Variants in FANCA observed in about 807,000 individuals in gnomAD.
FANCA encodes Fanconi anemia group A protein.
In FANCA, 236 loss-of-function variants were observed where a neutral mutation model predicts 194.3. The ratio of observed to expected loss-of-function variants is 1.21; its 90% CI spans 1.09 to 1.35. The LOEUF is 1.35. Among genes scored for constraint, FANCA ranks in the 40% most tolerant of loss-of-function variants. The pLI is 0.00. For missense variants in FANCA, 2,628 were observed against 1,813.9 expected, an observed-to-expected ratio of 1.45 and a Z score of -8.15; for synonymous variants, 1,014 against 715.8, an observed-to-expected ratio of 1.42 and a Z score of -6.65.
intron 27 of FANCA, 38 bp from the exon 28 acceptor site, chr16:89,765,104 C>G: frequency 1.2e-6 from 2 of 1,611,490 alleles, no homozygotes; most frequent in South Asian, 1.1e-5. Context: ...CTTCATTGCG[C>G]AAGTTTCACT....
intron 37 of FANCA, 59 bp downstream of exon 37, chr16:89,742,741 G>A (rs2062167574): frequency 1.3e-6 from 2 of 1,570,092 alleles, no homozygotes; most frequent in East Asian, 2.3e-5. Flanking sequence ...CAGAGAAATA[G>A]CACTGATTGA....
At chr16:89,788,899 T>C (rs2039979775) in intron 14 of FANCA, among the ~76,000 whole-genome samples, 1 of 152,172 alleles carries the variant, frequency 6.6e-6, no homozygotes, top group Admixed American at 6.6e-5. Flanking sequence ...AAAGTTGATT[T>C]GAAAAGGTAA....
intron 21 of FANCA, among the ~76,000 whole-genome samples, chr16:89,773,882 G>A (rs1168818796): frequency 6.7e-6 from 1 of 150,234 alleles, no homozygotes; most frequent in Middle Eastern, 3.2e-3. Context: ...AAATCATCCT[G>A]CCTCAGCCTC....
At position 89,771,720 on chromosome 16, in the gene FANCA, C is replaced by A; in HGVS notation, c.2109G>T (p.Gln703His). Residue 703 changes from glutamine to histidine, a missense_variant, in exon 23 of 43, where the codon CAG becomes CAT. Gln to His is a conservative substitution (Grantham distance 24). Transcript: ENST00000389301. ...CCAGTCTCGGCGTGTTGATGCTGAG[C>A]TGAATCTTTGATATCTCAACGCTGC... ...DDSSVEISKI[Q>H]LSINTPRLEP... is the part of the protein sequence containing the mutation. 1 of 1,614,146 alleles carries A rather than the reference C, an allele frequency of 6.2e-7. No individual in the cohort carries two copies. The highest frequency in any genetic ancestry group is 8.5e-7 in the Non-Finnish European group (1 of 1,180,028).
rs1248048701 is a variant in FANCA at position 89,740,832 on chromosome 16, C to G, written c.3800G>C (p.Gly1267Ala). 1 of 1,613,472 alleles carries G rather than the reference C, an allele frequency of 6.2e-7. No homozygotes were observed. The highest frequency in any genetic ancestry group is 1.7e-5 in the Admixed American group (1 of 59,920). ...TGAGGTCAGATGTGACGACAGCAGG[C>G]CCATCAAGGAGAAGAAGAAAAGGAA... is the stretch of plus-strand genomic sequence containing the variant. ...LVFLFFFSLM[G>A]LLSSHLTSNS... The change falls in exon 38 of 43, where the codon GGC (glycine) becomes GCC (alanine). Residue 1267 changes from glycine to alanine, a missense_variant. Physicochemically the swap from Gly to Ala is moderately conservative, Grantham distance 60. Coordinates refer to ENST00000389301, the MANE Select transcript of FANCA (RefSeq NM_000135.4).
At chr16:89,773,604 T>C (rs897407783) in intron 21 of FANCA, among the ~76,000 whole-genome samples, 1 of 151,812 alleles carries the variant, frequency 6.6e-6, no homozygotes, top group Admixed American at 6.6e-5. Flanking sequence ...TCATAAAAAA[T>C]TACATTTATA....
At chr16:89,809,644 G>C (rs1318447811) in intron 5 of FANCA, among the ~76,000 whole-genome samples, 1 of 151,716 alleles carries the variant, frequency 6.6e-6, no homozygotes, top group Non-Finnish European at 1.5e-5. Context: ...GAGGTCAGGA[G>C]TTTGAGACCA....
At chr16:89,804,210 C>A (rs1408781000) in intron 7 of FANCA, among the ~76,000 whole-genome samples, 1 of 152,108 alleles carries the variant, frequency 6.6e-6, no homozygotes, top group Non-Finnish European at 1.5e-5. Context: ...AAGGAAAAAA[C>A]CCACAAGCTA....
intron 3 of FANCA, among the ~76,000 whole-genome samples, chr16:89,813,103 C>G (rs2040964374): frequency 6.6e-6 from 1 of 151,240 alleles, no homozygotes; most frequent in Non-Finnish European, 1.5e-5. Context: ...TCATCAGCTG[C>G]TGGTGAAATT....
rs1376923890 is a variant in FANCA at position 89,738,956 on chromosome 16, T to C, written c.4186A>G (p.Ile1396Val). Residue 1396 changes from isoleucine (I) to valine (V), a missense_variant, in exon 42 of 43, where the codon ATA becomes GTA. Ile to Val is a conservative substitution (Grantham distance 29, BLOSUM62 3). Coordinates refer to ENST00000389301, the MANE Select transcript of FANCA (RefSeq NM_000135.4). Reference protein sequence around the residue: ...LKGQGNPVELITKARLFLLQL... With the variant: ...LKGQGNPVELVTKARLFLLQL... ...AGCAGAAAAAGACGAGCTTTTGTTA[T>C]CAGTTCCACGGGGTTGCCCTAGAGA... 4 of 1,614,250 alleles carry C rather than the reference T, an allele frequency of 2.5e-6. No homozygotes were observed. The highest frequency in any genetic ancestry group is 1.1e-5 in the South Asian group (1 of 91,088).
Position 89,799,589 on chromosome 16 carries a change from A to G in FANCA, c.826+16T>C. ...CTAAGTCATTTACAGTCTGGGCTGC[A>G]GTGCAATTAACTTACAAATCAGCAT... On this transcript the variant is annotated intron_variant, in intron 9 of 42. Transcript: ENST00000389301. 1 of 1,611,462 alleles carries G rather than the reference A, an allele frequency of 6.2e-7. No individual in the cohort carries two copies. Among genetic ancestry groups the G allele is most frequent in the African/African-American group, 1.3e-5 (1 of 74,972 alleles).
At chr16:89,740,290 A>C (rs988162029) in intron 38 of FANCA, 191 bp from the exon 39 acceptor site, 1 of 610,136 alleles carries the variant, frequency 1.6e-6, no homozygotes, top group African/African-American at 1.8e-5. Context: ...GAGGCCAGGG[A>C]CTTCGAGCAC....
intron 23 of FANCA, 150 bp downstream of exon 23, chr16:89,771,528 T>G (rs1198194148): frequency 1.2e-6 from 1 of 821,286 alleles, no homozygotes; most frequent in African/African-American, 1.7e-5. Context: ...CAGCTGACCC[T>G]GGTACACCGC....
At chr16:89,791,617 G>C in intron 13 of FANCA, 81 bp from the exon 14 acceptor site, 15 of 1,573,686 alleles carry the variant, frequency 9.5e-6, no homozygotes, top group African/African-American at 1.3e-5. Context: ...GGGTGATCAA[G>C]TATTCCAGAA....
Position 89,766,747 on chromosome 16 carries a change from T to C in FANCA, c.2601+394A>G, listed in dbSNP as rs111421235. On this transcript the variant is annotated intron_variant, in intron 27 of 42. Coordinates refer to ENST00000389301, the MANE Select transcript of FANCA (RefSeq NM_000135.4). ...AAAAAAAATTCCTTTGTCTGAACAA[T>C]GTAAGGAACATTTACTAGATGAGAG... 3.8e-3 allele frequency among the ~76,000 whole-genome samples: 581 copies of C among 152,216 alleles called. 5 individuals are homozygous for C. Among genetic ancestry groups the C allele is most frequent in the African/African-American group, 0.013 (522 of 41,542 alleles).
chr16:89,815,853 A>C, intron 2 of FANCA, 24 bp downstream of exon 2: 1 of 1,564,284 alleles, frequency 6.4e-7, no homozygotes, highest in Non-Finnish European at 8.8e-7. Context: ...ATCTGCCCGC[A>C]GACGGACACC....
At chr16:89,754,367 CTTTCT>C (rs1450627410) in intron 30 of FANCA, among the ~76,000 whole-genome samples, 20 of 152,162 alleles carry the variant, frequency 1.3e-4, no homozygotes, top group African/African-American at 4.3e-4. Flanking sequence ...ATTATATGAT[CTTTCT>C]TTTGTTTTTT....
At position 89,738,275 on chromosome 16, in the gene FANCA, C is replaced by T. The variant is rs751338766; in HGVS notation, c.*326G>A. 9 of 1,567,224 alleles carry T rather than the reference C, an allele frequency of 5.7e-6. No homozygotes were observed. In the South Asian group the frequency reaches 5.8e-5, roughly 10 times the overall value. ...CGGCAGTGAGGATGAGCACCTCTAG[C>T]AGCCTGGACTCCGCAGTGGCTGTGT... is the stretch of plus-strand genomic sequence containing the variant. On this transcript the variant is annotated 3_prime_UTR_variant, in exon 43 of 43. Coordinates refer to ENST00000389301, the MANE Select transcript of FANCA (RefSeq NM_000135.4).
At chr16:89,742,653 CAAAAAAAAA>C (rs749345470) in intron 37 of FANCA, 138 bp downstream of exon 37, 36 of 310,736 alleles carry the variant, frequency 1.2e-4, no homozygotes, top group South Asian at 5.9e-4. Context: ...ACTAAAAATA[CAAAAAAAAA>C]AAAAAAAAAA....
Sources: allele counts gnomAD v4.1 joint callset (sites outside exome capture counted in the v4.1 genomes callset), GRCh38; gene constraint gnomAD v4.1.1; transcripts MANE v1.5; gene names NCBI Gene and HGNC (gene_info 2026-07-23, HGNC 2026-07-21).